The following SKAP1 variants were observed in gnomAD, a reference collection of about 807,000 sequenced individuals.
SKAP1 encodes the protein src kinase-associated phosphoprotein 1.
In SKAP1, 44 loss-of-function variants were observed where a neutral mutation model predicts 58.5. That is an observed-to-expected ratio of 0.75 (90% CI 0.59 to 0.97). The LOEUF (loss-of-function observed/expected upper bound fraction) is 0.97, where lower values mean the gene tolerates loss of function less well. SKAP1 is among the 50% of genes least tolerant of loss of function. The probability of loss-of-function intolerance (pLI) is 0.00; values close to 1 mark genes in which losing one functional copy is unlikely to be tolerated. For synonymous variants in SKAP1, 127 were observed against 149.7 expected (o/e 0.85, Z 1.11); for missense variants, 390 against 435.2 (o/e 0.90, Z 0.92).
intron 9 of SKAP1, among the ~76,000 whole-genome samples, chr17:48,175,004 T>A (rs948257668): frequency 6.6e-6 from 1 of 152,190 alleles, no homozygotes; most frequent in East Asian, 1.9e-4. Context: ...CAAATGAGCA[T>A]CAGTATCTGG....
the SKAP1 span, among the ~76,000 whole-genome samples, chr17:48,440,094 CTT>C: frequency 2.0e-5 from 3 of 152,206 alleles, no homozygotes; most frequent in Non-Finnish European, 4.4e-5. Context: ...CGGCCTGCGA[CTT>C]TGCCTTTAAA....
At chr17:48,162,620 G>T in intron 10 of SKAP1, 51 bp from the exon 11 acceptor site, 2 of 1,453,694 alleles carry the variant, frequency 1.4e-6, no homozygotes, top group Admixed American at 1.8e-5. Context: ...TTTTTTCCGA[G>T]GTACCCATGT....
At chr17:48,343,392 A>G (rs1304144502) in intron 4 of SKAP1, among the ~76,000 whole-genome samples, 1 of 152,188 alleles carries the variant, frequency 6.6e-6, no homozygotes, top group Non-Finnish European at 1.5e-5. Flanking sequence ...ATGAACATTT[A>G]TTGTGCCTGT....
chr17:48,286,701 C>T (rs1382393287), intron 4 of SKAP1, among the ~76,000 whole-genome samples: 2 of 152,202 alleles, frequency 1.3e-5, no homozygotes, highest in South Asian at 2.1e-4. Flanking sequence ...CACACACACT[C>T]GACTTCTTCC....
intron 1 of SKAP1, among the ~76,000 whole-genome samples, chr17:48,409,271 C>T (rs2067630774): frequency 6.6e-6 from 1 of 152,184 alleles, no homozygotes; most frequent in African/African-American, 2.4e-5. Flanking sequence ...CACATTTTCT[C>T]ATAATTGCCA....
chr17:48,416,282 G>A (rs191076856), intron 1 of SKAP1, among the ~76,000 whole-genome samples: 2 of 152,162 alleles, frequency 1.3e-5, no homozygotes, highest in Admixed American at 1.3e-4. Flanking sequence ...CTTTGAAGCA[G>A]TTAAAACCTA....
intron 1 of SKAP1, among the ~76,000 whole-genome samples, chr17:48,406,133 C>CGG (rs2144565520): frequency 6.6e-6 from 1 of 151,782 alleles, no homozygotes; most frequent in East Asian, 2.0e-4. Flanking sequence ...GGCGTGGTGG[C>CGG]ACACATCTGT....
In SKAP1 at chr17:48,342,858, G is replaced by A. The variant is rs548048126; in HGVS notation, c.280+3047C>T. ...AAATTAGCCAGGCGCGGTGGCCGGC[G>A]CCTATAGTCCCAGCTACTTGGGAGG... On this transcript the variant is annotated intron_variant, in intron 4 of 12. Coordinates refer to ENST00000336915, the MANE Select transcript of SKAP1 (RefSeq NM_003726.4). Among the ~76,000 whole-genome samples, 7 of 152,124 alleles carry A rather than the reference G, an allele frequency of 4.6e-5. No homozygotes were observed. In the East Asian group the frequency reaches 5.8e-4, roughly 13 times the overall value.
chr17:48,289,252 G>A (rs1350734941), intron 4 of SKAP1, among the ~76,000 whole-genome samples: 2 of 151,826 alleles, frequency 1.3e-5, no homozygotes, highest in African/African-American at 4.8e-5. Context: ...TCATGCTTAT[G>A]AGTAATATCA....
At chr17:48,275,152 A>T (rs2065683334) in intron 4 of SKAP1, among the ~76,000 whole-genome samples, 2 of 152,236 alleles carry the variant, frequency 1.3e-5, no homozygotes, top group South Asian at 2.1e-4. Flanking sequence ...TCCACTTGTC[A>T]CTTCCCATTA....
chr17:48,143,005 T>G (rs2063787026), intron 11 of SKAP1, among the ~76,000 whole-genome samples: 1 of 145,936 alleles, frequency 6.9e-6, no homozygotes, highest in South Asian at 2.2e-4. Context: ...TTTGTAGAGA[T>G]GGGGTCTCCC....
intron 1 of SKAP1, among the ~76,000 whole-genome samples, chr17:48,404,715 C>A (rs2067547701): frequency 6.6e-6 from 1 of 151,442 alleles, no homozygotes; most frequent in African/African-American, 2.4e-5. Context: ...AAAAGAAAAG[C>A]AAAATAGCAT....
chr17:48,227,833 A>G (rs2065085957), intron 4 of SKAP1, among the ~76,000 whole-genome samples: 1 of 152,200 alleles, frequency 6.6e-6, no homozygotes, highest in Non-Finnish European at 1.5e-5. Flanking sequence ...CGAACTGATC[A>G]ATTTCTCTGT....
chr17:48,191,023 A>G (rs2064537639), intron 4 of SKAP1, among the ~76,000 whole-genome samples: 1 of 152,188 alleles, frequency 6.6e-6, no homozygotes, highest in Non-Finnish European at 1.5e-5. Context: ...GAAAGAATCT[A>G]AGAACTGTAA....
At position 48,370,400 on chromosome 17, in the gene SKAP1, G is replaced by A. The variant is rs137946227; in HGVS notation, c.153-6586C>T. On this transcript the variant is annotated intron_variant, in intron 2 of 12. Coordinates refer to ENST00000336915, the MANE Select transcript of SKAP1 (RefSeq NM_003726.4). ...GGCTTACTGCAGCCTCAACTTCCTG[G>A]GCTCAAGCAATCCTCCCCACCTCAG... Among the ~76,000 whole-genome samples, 359 of 152,120 alleles carry A rather than the reference G, an allele frequency of 2.4e-3. 5 individuals are homozygous for A. The highest frequency in any genetic ancestry group is 8.3e-3 in the African/African-American group (344 of 41,488).
intron 4 of SKAP1, among the ~76,000 whole-genome samples, chr17:48,213,940 C>T (rs1210368534): frequency 6.6e-6 from 1 of 152,170 alleles, no homozygotes; most frequent in East Asian, 1.9e-4. Flanking sequence ...TGACTCTGAG[C>T]CAACTGCTGC....
intron 4 of SKAP1, among the ~76,000 whole-genome samples, chr17:48,316,502 C>G (rs1473241999): frequency 1.3e-5 from 2 of 152,164 alleles, no homozygotes; most frequent in African/African-American, 4.8e-5. Context: ...TTTAGTCATT[C>G]TCTCTCTGCC....
At chr17:48,396,942 T>C (rs1251830762) in intron 1 of SKAP1, 157 bp from the exon 2 acceptor site, 1 of 186,808 alleles carries the variant, frequency 5.4e-6, no homozygotes, top group Non-Finnish European at 1.0e-5. Flanking sequence ...AAAAAAAAAC[T>C]TTATAGTTGT....
At chr17:48,139,824 T>C (rs1427741563) in intron 11 of SKAP1, among the ~76,000 whole-genome samples, 2 of 152,186 alleles carry the variant, frequency 1.3e-5, no homozygotes, top group African/African-American at 4.8e-5. Context: ...GGAACTTACC[T>C]GTATTGACAA....
Sources: gnomAD v4.1 joint callset for allele counts (sites outside exome capture counted in the v4.1 genomes callset) on GRCh38, gnomAD v4.1.1 for gene constraint, MANE v1.5 for transcripts, NCBI Gene and HGNC (gene_info 2026-07-23, HGNC 2026-07-21) for gene names.